GPAT3: variants seen among roughly 807,000 people sequenced by gnomAD.
The protein encoded by GPAT3 is 1-AGP acyltransferase 9.
GPAT3 carries 53 observed loss-of-function variants against 58.8 expected under a neutral mutation model. The observed-to-expected ratio is 0.90, with a 90% confidence interval of 0.72 to 1.13. The LOEUF (loss-of-function observed/expected upper bound fraction) is 1.13. Ranked by LOEUF, GPAT3 falls within the 50% of genes most tolerant of loss-of-function variation. The probability of loss-of-function intolerance (pLI) is 0.00; values close to 1 mark genes in which losing one functional copy is unlikely to be tolerated. For synonymous variants in GPAT3, 197 were observed against 187.4 expected, an observed-to-expected ratio of 1.05 and a Z score of -0.42; for missense variants, 511 against 527.6, an observed-to-expected ratio of 0.97 and a Z score of 0.31.
At chr4:83,560,648 TC>T in intron 2 of GPAT3, among the ~76,000 whole-genome samples, 1 of 152,272 alleles carries the variant, frequency 6.6e-6, no homozygotes, top group East Asian at 1.9e-4. Flanking sequence ...GGATGTGTCC[TC>T]CTGCTCAAAT....
intron 2 of GPAT3, among the ~76,000 whole-genome samples, chr4:83,577,932 C>T (rs537006226): frequency 5.3e-5 from 8 of 151,510 alleles, no homozygotes; most frequent in East Asian, 3.9e-4. Flanking sequence ...CCCCAGTAGC[C>T]GGGATTACAG....
intron 1 of GPAT3, among the ~76,000 whole-genome samples, chr4:83,540,749 G>A (rs1724271027): frequency 6.6e-6 from 1 of 151,996 alleles, no homozygotes. Flanking sequence ...GAGTGCAGTG[G>A]CACAATCTTG....
At chr4:83,539,342 A>G (rs1208680963) in intron 1 of GPAT3, among the ~76,000 whole-genome samples, 1 of 152,186 alleles carries the variant, frequency 6.6e-6, no homozygotes, top group Non-Finnish European at 1.5e-5. Context: ...TTCATTCCCA[A>G]GAATATTCTT....
At position 83,604,811 on chromosome 4, in the gene GPAT3, A is replaced by G. The variant is rs532254722; in HGVS notation, c.*44A>G. On this transcript the variant is annotated 3_prime_UTR_variant, in exon 12 of 12. Transcript: ENST00000264409. ...TTAGATCTAGAACTAGCCCTTAGAA[A>G]TGGAATGGCTTTTTTTGTTTTGTTT... is the stretch of plus-strand genomic sequence containing the variant. 23 of 1,434,306 alleles carry G rather than the reference A, an allele frequency of 1.6e-5. No homozygotes were observed. The African/African-American group carries it at 3.2e-4, about 20-fold the overall frequency. The allele number at this position is 1,434,306 out of a possible 1,614,324, so 88.8% of individuals were successfully genotyped here.
At chr4:83,566,970 T>C (rs9307826) in intron 2 of GPAT3, among the ~76,000 whole-genome samples, 37,625 of 152,012 alleles carry the variant, frequency 0.25, 4,875 homozygotes, top group East Asian at 0.31. Flanking sequence ...TATAGGAAAA[T>C]TTTCTACTTT....
intron 2 of GPAT3, among the ~76,000 whole-genome samples, chr4:83,562,181 A>T (rs200460835): frequency 5.0e-3 from 160 of 32,024 alleles, no homozygotes; most frequent in African/African-American, 0.013. Flanking sequence ...TTTATATATT[A>T]TATATATATA....
At chr4:83,587,223 A>G in intron 3 of GPAT3, 32 bp from the exon 4 acceptor site, 1 of 1,590,462 alleles carries the variant, frequency 6.3e-7, no homozygotes, top group South Asian at 1.1e-5. Flanking sequence ...TATGTGTCAA[A>G]ATCTTATATG....
intron 11 of GPAT3, among the ~76,000 whole-genome samples, chr4:83,599,064 A>C (rs989880182): frequency 6.6e-6 from 1 of 152,000 alleles, no homozygotes; most frequent in African/African-American, 2.4e-5. Context: ...GATTACAGTC[A>C]TGAGCTACTG....
chr4:83,540,750 C>T (rs919453129), intron 1 of GPAT3, among the ~76,000 whole-genome samples: 1 of 152,074 alleles, frequency 6.6e-6, no homozygotes, highest in Non-Finnish European at 1.5e-5. Context: ...AGTGCAGTGG[C>T]ACAATCTTGG....
At position 83,536,545 on chromosome 4, in the gene GPAT3, C is replaced by CGGGACTGCCTGGGGACA; in HGVS notation, c.-69_-53dup. The CGGGACTGCCTGGGGACA allele has an allele frequency of 6.5e-7, 1 of 1,540,148 alleles. No individual in the cohort carries two copies. Among genetic ancestry groups the CGGGACTGCCTGGGGACA allele is most frequent in the Non-Finnish European group, 8.7e-7 (1 of 1,142,946 alleles). On this transcript the variant is annotated 5_prime_UTR_variant, in exon 1 of 12. Coordinates refer to ENST00000264409, the MANE Select transcript of GPAT3 (RefSeq NM_032717.5). Reference sequence around the variant, plus strand: ...CGGCGCTCTGCTCCTGGAGCTCCCGCGGGACTGCCTGGGGACAGGGACTGC... The same window carrying CGGGACTGCCTGGGGACA: ...CGGCGCTCTGCTCCTGGAGCTCCCGCGGGACTGCCTGGGGACAGGGACTGCCTGGGGACAGGGACTGC...
intron 2 of GPAT3, among the ~76,000 whole-genome samples, chr4:83,563,478 CTT>C (rs908400401): frequency 0.02 from 2,249 of 114,246 alleles, 4 homozygotes; most frequent in Non-Finnish European, 0.03. Context: ...TTTCTTTCTT[CTT>C]TTTTTTTTTT....
chr4:83,536,877 T>C, intron 1 of GPAT3, 114 bp downstream of exon 1: 4 of 924,850 alleles, frequency 4.3e-6, no homozygotes, highest in Non-Finnish European at 6.5e-6. Context: ...CGCGTGTGCA[T>C]GCGTGCGTGC....
intron 3 of GPAT3, 148 bp downstream of exon 3, chr4:83,581,980 GTATTAC>G: frequency 9.5e-7 from 1 of 1,050,996 alleles, no homozygotes; most frequent in Non-Finnish European, 1.4e-6. Flanking sequence ...CTAAAGGAAT[GTATTAC>G]GTATCCATTT....
chr4:83,574,954 C>A (rs920661469), intron 2 of GPAT3, among the ~76,000 whole-genome samples: 1 of 147,386 alleles, frequency 6.8e-6, no homozygotes, highest in Non-Finnish European at 1.5e-5. Flanking sequence ...CGGCTCACTG[C>A]AGGCTCCGCC....
At chr4:83,544,441 T>A in intron 1 of GPAT3, 95 bp from the exon 2 acceptor site, 3 of 1,243,268 alleles carry the variant, frequency 2.4e-6, no homozygotes, top group Middle Eastern at 2.3e-4. Context: ...CTGCCAGAGC[T>A]TGATGTGTAA....
chr4:83,581,630 C>G lies in GPAT3; in HGVS notation c.277C>G (p.Leu93Val). Residue 93 changes from leucine to valine, a missense_variant, in exon 3 of 12, where the codon CTG becomes GTG. Transcript: ENST00000264409. ...TGGTCTACGAGGAAGGGACTTTGAG[C>G]TGTCTGACGTGTTTTATTTCTCCAA... ...LSGLRGRDFE[L>V]SDVFYFSKKG... is the part of the protein sequence containing the mutation. 1 of 1,614,120 alleles carries G rather than the reference C, an allele frequency of 6.2e-7. No individual in the cohort carries two copies.
At chr4:83,542,805 C>G (rs1724351971) in intron 1 of GPAT3, among the ~76,000 whole-genome samples, 1 of 151,740 alleles carries the variant, frequency 6.6e-6, no homozygotes, top group Non-Finnish European at 1.5e-5. Flanking sequence ...CGAGACCACA[C>G]TGGACAACAT....
chr4:83,580,289 GT>G (rs1726059251), intron 2 of GPAT3, among the ~76,000 whole-genome samples: 2 of 152,004 alleles, frequency 1.3e-5, no homozygotes, highest in African/African-American at 4.8e-5. Context: ...GCTACTTAAT[GT>G]TTTCATTTTT....
intron 2 of GPAT3, among the ~76,000 whole-genome samples, chr4:83,580,953 G>A (rs1177388494): frequency 2.0e-5 from 3 of 151,864 alleles, no homozygotes; most frequent in Admixed American, 6.6e-5. Flanking sequence ...AAAATTAGCC[G>A]ACTGTGGTGG....
Sources: allele counts gnomAD v4.1 joint callset (sites outside exome capture counted in the v4.1 genomes callset), GRCh38; gene constraint gnomAD v4.1.1; transcripts MANE v1.5; gene names NCBI Gene and HGNC (gene_info 2026-07-23, HGNC 2026-07-21).